Variants in KCNAB1 observed in about 807,000 individuals in gnomAD.
The protein encoded by KCNAB1 is potassium voltage-gated channel subfamily A regulatory beta subunit 1.
KCNAB1 carries 35 observed loss-of-function variants against 64.6 expected under a neutral mutation model. That is an observed-to-expected ratio of 0.54 (90% CI 0.41 to 0.72). KCNAB1 has a LOEUF of 0.72. Among genes scored for constraint, KCNAB1 ranks in the 30% least tolerant of loss-of-function variants. The probability of loss-of-function intolerance (pLI) is 0.00; values close to 1 mark genes in which losing one functional copy is unlikely to be tolerated. For missense variants in KCNAB1, 401 were observed against 512.9 expected (o/e 0.78, Z 2.11); for synonymous variants, 177 against 183.8 (o/e 0.96, Z 0.30).
intron 13 of KCNAB1, among the ~76,000 whole-genome samples, chr3:156,533,818 T>A (rs1442604568): frequency 1.3e-5 from 2 of 152,106 alleles, no homozygotes; most frequent in Non-Finnish European, 2.9e-5. Context: ...ATCACTGCCA[T>A]TCCTGGGGGC....
intron 2 of KCNAB1, among the ~76,000 whole-genome samples, chr3:156,422,958 C>A (rs116801192): frequency 3.5e-4 from 54 of 152,234 alleles, no homozygotes; most frequent in African/African-American, 1.0e-3. Flanking sequence ...GTGACCAATC[C>A]CGTCAAGTGG....
chr3:156,321,627 A>C (rs1722666813), intron 1 of KCNAB1, among the ~76,000 whole-genome samples: 1 of 152,210 alleles, frequency 6.6e-6, no homozygotes, highest in East Asian at 1.9e-4. Flanking sequence ...GTATTTTGGG[A>C]ATGCATATAC....
chr3:156,327,084 T>A (rs1237060881), intron 1 of KCNAB1, among the ~76,000 whole-genome samples: 1 of 152,120 alleles, frequency 6.6e-6, no homozygotes, highest in Non-Finnish European at 1.5e-5. Flanking sequence ...AAACATATTT[T>A]AAAAAATCTG....
intron 2 of KCNAB1, among the ~76,000 whole-genome samples, chr3:156,449,589 T>TA (rs1711842761): frequency 2.0e-5 from 3 of 152,352 alleles, no homozygotes; most frequent in Non-Finnish European, 4.4e-5. Flanking sequence ...ACATAGGTGC[T>TA]ATCAAAAAAT....
intron 1 of KCNAB1, among the ~76,000 whole-genome samples, chr3:156,383,213 G>A (rs1040026312): frequency 7.2e-5 from 11 of 152,180 alleles, no homozygotes; most frequent in African/African-American, 2.4e-4. Flanking sequence ...GGAGCAAGGA[G>A]TAGGTACATT....
At chr3:156,396,202 G>A (rs1713451380) in intron 1 of KCNAB1, among the ~76,000 whole-genome samples, 1 of 152,050 alleles carries the variant, frequency 6.6e-6, no homozygotes, top group African/African-American at 2.4e-5. Context: ...GGGTTGACTG[G>A]CCCCAGATGA....
At chr3:156,434,978 T>C (rs763900709) in intron 2 of KCNAB1, among the ~76,000 whole-genome samples, 2 of 152,098 alleles carry the variant, frequency 1.3e-5, no homozygotes, top group African/African-American at 2.4e-5. Context: ...TTTTTTGAGA[T>C]GTGAGATTGG....
intron 1 of KCNAB1, among the ~76,000 whole-genome samples, chr3:156,276,266 CA>C (rs1262169951): frequency 1.3e-5 from 2 of 152,136 alleles, no homozygotes; most frequent in Admixed American, 6.5e-5. Context: ...AAACATTCAG[CA>C]AACCATGTTG....
intron 1 of KCNAB1, among the ~76,000 whole-genome samples, chr3:156,171,881 T>A (rs1712017591): frequency 6.6e-6 from 1 of 152,234 alleles, no homozygotes; most frequent in African/African-American, 2.4e-5. Context: ...AATCACAGAC[T>A]TCTCTAGTAT....
chr3:156,183,313 C>G (rs959004457), intron 1 of KCNAB1, among the ~76,000 whole-genome samples: 2 of 152,086 alleles, frequency 1.3e-5, no homozygotes, highest in Non-Finnish European at 2.9e-5. Flanking sequence ...TCTCAAGGAA[C>G]AGGGTTCCGA....
At chr3:156,398,190 C>T (rs910990692) in intron 1 of KCNAB1, among the ~76,000 whole-genome samples, 1 of 151,970 alleles carries the variant, frequency 6.6e-6, no homozygotes, top group African/African-American at 2.4e-5. Context: ...ACAATGAGAA[C>T]ACATGGACAC....
intron 1 of KCNAB1, among the ~76,000 whole-genome samples, chr3:156,246,871 CTT>C (rs1471009403): frequency 2.0e-5 from 3 of 152,214 alleles, no homozygotes; most frequent in Non-Finnish European, 4.4e-5. Flanking sequence ...ATAACAGGAA[CTT>C]TTTTTGTGTA....
intron 1 of KCNAB1, among the ~76,000 whole-genome samples, chr3:156,197,932 A>G (rs1714062983): frequency 6.6e-6 from 1 of 152,168 alleles, no homozygotes; most frequent in African/African-American, 2.4e-5. Flanking sequence ...ATTTAGTGCT[A>G]TATATTTCCG....
At chr3:156,207,298 C>G (rs988688718) in intron 1 of KCNAB1, among the ~76,000 whole-genome samples, 1 of 152,158 alleles carries the variant, frequency 6.6e-6, no homozygotes, top group African/African-American at 2.4e-5. Flanking sequence ...TTTATACTCT[C>G]CTTGCAGGGG....
chr3:156,523,961 T>C lies in KCNAB1; in HGVS notation c.1081+14T>C. On this transcript the variant is annotated intron_variant, in intron 12 of 13. Coordinates refer to ENST00000490337, the MANE Select transcript of KCNAB1 (RefSeq NM_172160.3). ...AGCTAGCTGTTGGTAAGAAAATTAC[T>C]AAGCTATGGGGTGGTAGAGGGACTT... 2 of 1,613,116 alleles carry C rather than the reference T, an allele frequency of 1.2e-6. No individual in the cohort carries two copies. The highest frequency in any genetic ancestry group is 1.7e-6 in the Non-Finnish European group (2 of 1,179,544).
chr3:156,359,070 A>G (rs1460014643), intron 1 of KCNAB1, among the ~76,000 whole-genome samples: 1 of 152,230 alleles, frequency 6.6e-6, no homozygotes, highest in Non-Finnish European at 1.5e-5. Context: ...TAAAATATGA[A>G]TGTGCCTCAC....
chr3:156,243,304 A>T (rs1199447986), intron 1 of KCNAB1, among the ~76,000 whole-genome samples: 6 of 152,054 alleles, frequency 3.9e-5, no homozygotes, highest in Non-Finnish European at 7.4e-5. Context: ...GGCTCACTGC[A>T]ACCCCCACCT....
In KCNAB1 at chr3:156,537,469, T is replaced by G. The variant is rs1287202311; in HGVS notation, c.*722T>G. ...AACTTATCCAGAATGTCTATTAGGA[T>G]TCTAATGTTATGTCCACTTACAAGT... On this transcript the variant is annotated 3_prime_UTR_variant, in exon 14 of 14. Transcript: ENST00000490337. 4 of 156,220 alleles carry G rather than the reference T, an allele frequency of 2.6e-5. No homozygotes were observed. Among genetic ancestry groups the G allele is most frequent in the African/African-American group, 9.6e-5 (4 of 41,626 alleles). 9.7% of individuals were successfully genotyped at this position (156,220 alleles called of 1,614,324 possible).
intron 13 of KCNAB1, among the ~76,000 whole-genome samples, chr3:156,531,914 C>T (rs1275099608): frequency 6.6e-6 from 1 of 152,088 alleles, no homozygotes; most frequent in Non-Finnish European, 1.5e-5. Flanking sequence ...ATCTTGTATT[C>T]CCCCTCCCAT....
Sources: gnomAD v4.1 joint callset for allele counts (sites outside exome capture counted in the v4.1 genomes callset) on GRCh38, gnomAD v4.1.1 for gene constraint, MANE v1.5 for transcripts, NCBI Gene and HGNC (gene_info 2026-07-23, HGNC 2026-07-21) for gene names.